EYA2: variants seen among roughly 807,000 people sequenced by gnomAD.
The protein encoded by EYA2 is EYA transcriptional coactivator and phosphatase 2, also known as protein phosphatase EYA2.
A neutral mutation model predicts 69.2 loss-of-function variants in EYA2; 31 were observed. The ratio of observed to expected loss-of-function variants is 0.45; its 90% CI spans 0.34 to 0.60. EYA2 has a LOEUF of 0.60. Ranked by LOEUF, EYA2 falls within the 20% of genes least tolerant of loss-of-function variation. EYA2 has a pLI of 0.02. For synonymous variants in EYA2, 257 were observed against 279.4 expected, an observed-to-expected ratio of 0.92 and a Z score of 0.80; for missense variants, 622 against 701.2, an observed-to-expected ratio of 0.89 and a Z score of 1.28.
intron 8 of EYA2, among the ~76,000 whole-genome samples, chr20:47,094,173 G>T (rs1600704521): frequency 6.6e-6 from 1 of 152,134 alleles, no homozygotes; most frequent in African/African-American, 2.4e-5. Flanking sequence ...TTTCAGAGGG[G>T]ATTTAATGGA....
chr20:47,011,904 TGTGTGCCGCTGA>T (rs1600637846), intron 4 of EYA2, among the ~76,000 whole-genome samples: 1 of 152,208 alleles, frequency 6.6e-6, no homozygotes, highest in Non-Finnish European at 1.5e-5. Context: ...CAGGGAAAAG[TGTGTGCCGCTGA>T]GTGTGCCAGG....
chr20:47,142,016 A>G (rs2033607439), intron 9 of EYA2, among the ~76,000 whole-genome samples: 1 of 152,154 alleles, frequency 6.6e-6, no homozygotes, highest in Admixed American at 6.5e-5. Context: ...TGTCCTCCCA[A>G]TATTAATCAA....
intron 1 of EYA2, among the ~76,000 whole-genome samples, chr20:46,972,020 T>C (rs1414575419): frequency 6.6e-6 from 1 of 152,042 alleles, no homozygotes; most frequent in Non-Finnish European, 1.5e-5. Flanking sequence ...AGAAGGCAAA[T>C]AAAACACAAT....
intron 7 of EYA2, among the ~76,000 whole-genome samples, chr20:47,082,729 T>C (rs924206074): frequency 1.3e-5 from 2 of 152,296 alleles, no homozygotes; most frequent in South Asian, 4.1e-4. Context: ...GTTTCTGAAC[T>C]TTAAATGGAA....
chr20:47,038,714 CT>C (rs960898786), intron 5 of EYA2, among the ~76,000 whole-genome samples: 1 of 152,152 alleles, frequency 6.6e-6, no homozygotes, highest in African/African-American at 2.4e-5. Context: ...ATTTCTGGAA[CT>C]TTTCCATCTT....
At chr20:46,938,351 G>C (rs924824897) in intron 1 of EYA2, among the ~76,000 whole-genome samples, 4 of 152,202 alleles carry the variant, frequency 2.6e-5, no homozygotes, top group African/African-American at 9.7e-5. Context: ...AGCATGTGCA[G>C]TAGTATCTAT....
intron 1 of EYA2, among the ~76,000 whole-genome samples, chr20:46,900,377 A>G (rs1400652698): frequency 6.6e-6 from 1 of 152,184 alleles, no homozygotes; most frequent in Non-Finnish European, 1.5e-5. Flanking sequence ...CATAACTGAA[A>G]TACACGTGTA....
chr20:47,075,265 G>A (rs186510207), intron 7 of EYA2, among the ~76,000 whole-genome samples: 1 of 152,326 alleles, frequency 6.6e-6, no homozygotes, highest in African/African-American at 2.4e-5. Context: ...GGGAAATAAA[G>A]TGCAGTGTAG....
chr20:46,955,370 A>C (rs548538100), intron 1 of EYA2, among the ~76,000 whole-genome samples: 4 of 152,160 alleles, frequency 2.6e-5, no homozygotes, highest in Non-Finnish European at 5.9e-5. Context: ...CACTTAGAGA[A>C]TCTGAATAAA....
At chr20:47,044,237 C>A (rs1438506155) in intron 5 of EYA2, among the ~76,000 whole-genome samples, 1 of 152,132 alleles carries the variant, frequency 6.6e-6, no homozygotes, top group African/African-American at 2.4e-5. Context: ...CTTTTTCTAG[C>A]GGGGCTGCTT....
chr20:46,932,207 G>A (rs1985700193), intron 1 of EYA2, among the ~76,000 whole-genome samples: 1 of 151,678 alleles, frequency 6.6e-6, no homozygotes, highest in Non-Finnish European at 1.5e-5. Context: ...CCCCATCCCC[G>A]GGTTTGCACC....
At chr20:46,991,539 T>TGCACACAGG (rs1981658966) in intron 2 of EYA2, among the ~76,000 whole-genome samples, 1 of 152,230 alleles carries the variant, frequency 6.6e-6, no homozygotes, top group Non-Finnish European at 1.5e-5. Flanking sequence ...AAACCATGGT[T>TGCACACAGG]GCACACAGGG....
intron 4 of EYA2, among the ~76,000 whole-genome samples, chr20:47,010,882 C>T (rs1244900804): frequency 1.3e-5 from 2 of 150,728 alleles, no homozygotes; most frequent in African/African-American, 2.4e-5. Flanking sequence ...CTGCCTCCCA[C>T]GTTCAAGTGA....
intron 5 of EYA2, among the ~76,000 whole-genome samples, chr20:47,031,955 A>G (rs1206684966): frequency 1.3e-5 from 2 of 152,188 alleles, no homozygotes; most frequent in African/African-American, 4.8e-5. Flanking sequence ...TTAGAGATAA[A>G]AGGAGAGCAG....
chr20:47,106,022 G>A (rs1451337654), intron 9 of EYA2, among the ~76,000 whole-genome samples: 2 of 152,212 alleles, frequency 1.3e-5, no homozygotes, highest in Non-Finnish European at 2.9e-5. Flanking sequence ...GCAGGTTTAT[G>A]AGCCTTGGCA....
At chr20:47,175,434 C>T (rs2034407531) in intron 12 of EYA2, among the ~76,000 whole-genome samples, 1 of 152,150 alleles carries the variant, frequency 6.6e-6, no homozygotes, top group Non-Finnish European at 1.5e-5. Context: ...CTCCCTGTGC[C>T]TCAGTTTCCT....
chr20:47,105,187 T>A (rs776121650), intron 9 of EYA2, among the ~76,000 whole-genome samples: 3 of 152,242 alleles, frequency 2.0e-5, no homozygotes, highest in Non-Finnish European at 2.9e-5. Context: ...TCCACCTTTG[T>A]TCTTATGACC....
intron 9 of EYA2, among the ~76,000 whole-genome samples, chr20:47,103,374 G>T (rs1037901532): frequency 6.6e-6 from 1 of 152,102 alleles, no homozygotes; most frequent in Admixed American, 6.6e-5. Flanking sequence ...GTGATCATCC[G>T]TGTTGTAGCA....
intron 12 of EYA2, among the ~76,000 whole-genome samples, chr20:47,175,109 G>A (rs1246384129): frequency 1.3e-5 from 2 of 152,246 alleles, no homozygotes; most frequent in Non-Finnish European, 2.9e-5. Context: ...GCTGAGGGGA[G>A]AGCACCCAAG....
Sources: allele counts gnomAD v4.1 joint callset (sites outside exome capture counted in the v4.1 genomes callset), GRCh38; gene constraint gnomAD v4.1.1; transcripts MANE v1.5; gene names NCBI Gene and HGNC (gene_info 2026-07-23, HGNC 2026-07-21).